Variants in KCNN1 observed in about 807,000 individuals in gnomAD.
KCNN1 encodes the protein potassium calcium-activated channel subfamily N member 1.
KCNN1 carries 20 observed loss-of-function variants against 44.7 expected under a neutral mutation model. The observed-to-expected ratio is 0.45, with a 90% CI of 0.32 to 0.65. The LOEUF is 0.65. Ranked by LOEUF, KCNN1 falls within the 30% of genes least tolerant of loss-of-function variation. The pLI, the probability that KCNN1 is intolerant of heterozygous loss-of-function variation, is 0.05. For synonymous variants in KCNN1, 324 were observed against 341.7 expected, an observed-to-expected ratio of 0.95 and a Z score of 0.57; for missense variants, 632 against 785.3, an observed-to-expected ratio of 0.80 and a Z score of 2.33.
In KCNN1 at chr19:17,980,228, ATTTTTTT is replaced by A. The variant is rs34810089; in HGVS notation, c.499-1456_499-1450del. ...AGGCACCCGCCACCACACCTAGCTA[ATTTTTTT>A]TTTTTTTTTTTTTTTTTTTTTTTTG... On this transcript the variant is annotated intron_variant, in intron 3 of 9. Transcript: ENST00000684775. Among the ~76,000 whole-genome samples, 61 of 44,528 alleles carry A rather than the reference ATTTTTTT, an allele frequency of 1.4e-3. No homozygotes were observed. The East Asian group carries it at 0.016, about 12-fold the overall frequency. 29.2% of individuals were successfully genotyped at this position (44,528 alleles called of 152,430 possible). A position where few individuals can be genotyped will look rare whatever the true frequency, so the allele number is the denominator to read the frequency against.
chr19:17,981,563 AAAAAAGAAAGAAAG>A, intron 3 of KCNN1, 132 bp from the exon 4 acceptor site: 1 of 708,572 alleles, frequency 1.4e-6, no homozygotes, highest in South Asian at 2.3e-5. Flanking sequence ...AAAAAAAAAA[AAAAAAGAAAGAAAG>A]AAAGAAAGAA....
At chr19:17,967,026 G>T (rs1311738551), upstream of KCNN1, 10 of 638,774 alleles carry the variant, frequency 1.6e-5, no homozygotes, top group Non-Finnish European at 1.9e-5. Context: ...TTGCGGGGTC[G>T]TCGAAGGCGG....
rs1367585003 is a variant in KCNN1 at position 17,986,759 on chromosome 19, G to A, written c.1059+1306G>A. On this transcript the variant is annotated intron_variant, in intron 5 of 9. Transcript: ENST00000684775. ...TGATCCTCCTGCTTGGGCCTCCCAA[G>A]GTGCTGGAGTTACAGGCCTAAGCAA... Among the ~76,000 whole-genome samples, 5 of 151,976 alleles carry A rather than the reference G, an allele frequency of 3.3e-5. No homozygotes were observed. The East Asian group carries it at 9.7e-4, about 29-fold the overall frequency.
At position 17,974,150 on chromosome 19, in the gene KCNN1, A is replaced by G; in HGVS notation, c.262A>G (p.Asn88Asp). 2 of 1,613,528 alleles carry G rather than the reference A, an allele frequency of 1.2e-6. No homozygotes were observed. Among genetic ancestry groups the G allele is most frequent in the South Asian group, 2.2e-5 (2 of 91,080 alleles). Residue 88 changes from asparagine to aspartate, a missense_variant, in exon 2 of 10, where the codon AAT (asparagine) becomes GAT (aspartate). Asn to Asp is a conservative substitution (Grantham distance 23). Around this residue, in one of 3 missense-constraint regions of KCNN1, gnomAD observed 235 missense variants for 224.0 expected, o/e 1.05. Transcript: ENST00000684775. This position sits in a 1 kb window ranked among gnomAD's most constrained non-coding sequence, Gnocchi z 7.3. ...GCAGAGAGCCTCGGGGAAACCCTCA[A>G]ATGTGGGCCACCGCCTGGGCCACCG... ...GRQRASGKPS[N>D]VGHRLGHRRA...
chr19:17,968,050 G>A (rs531620463), intron 1 of KCNN1, among the ~76,000 whole-genome samples: 2 of 141,582 alleles, frequency 1.4e-5, no homozygotes, highest in Admixed American at 7.0e-5. Flanking sequence ...TGCAGAGCTA[G>A]GGCCCTGTGA....
chr19:17,990,097 T>TA (rs2032737181), intron 7 of KCNN1: 3 of 652,064 alleles, frequency 4.6e-6, no homozygotes, highest in Non-Finnish European at 8.5e-6. Context: ...GGATAATTCT[T>TA]ACCCTTTAGA....
At chr19:17,965,846 G>A (rs1338996503), upstream of KCNN1, among the ~76,000 whole-genome samples, 1 of 152,064 alleles carries the variant, frequency 6.6e-6, no homozygotes, top group Non-Finnish European at 1.5e-5. Context: ...ACCACGGCCG[G>A]GCCTTGTGCA....
chr19:17,986,712 G>T (rs1260415709), intron 5 of KCNN1, among the ~76,000 whole-genome samples: 1 of 152,138 alleles, frequency 6.6e-6, no homozygotes, highest in East Asian at 1.9e-4. Flanking sequence ...GCCCAGGCTG[G>T]TCATGAACTC....
chr19:17,993,414 C>A lies in KCNN1; in HGVS notation c.1308-76C>A. On this transcript the variant is annotated intron_variant, in intron 8 of 9. Transcript: ENST00000684775. The surrounding 1 kb of genome is among the most constrained non-coding windows in gnomAD (Gnocchi z 4.5). ...TCCCATAGGTGACCCCGGGTGGGTGCATGAAAGTCCCTGCCCCCACTGCAG... is the reference window on the plus strand; with the variant it reads ...TCCCATAGGTGACCCCGGGTGGGTGAATGAAAGTCCCTGCCCCCACTGCAG... 2 of 1,102,620 alleles carry A rather than the reference C, an allele frequency of 1.8e-6. No homozygotes were observed. The highest frequency in any genetic ancestry group is 2.7e-6 in the Non-Finnish European group (2 of 733,386). The allele number at this position is 1,102,620 out of a possible 1,614,324, so 68.3% of individuals were successfully genotyped here.
intron 3 of KCNN1, among the ~76,000 whole-genome samples, chr19:17,975,804 G>A (rs1471826353): frequency 6.6e-6 from 1 of 151,928 alleles, no homozygotes; most frequent in East Asian, 1.9e-4. Flanking sequence ...GACCTCTTGT[G>A]TTCAAGAGAT....
chr19:17,960,221 T>C (rs921423755), intron 2 of KCNN1, among the ~76,000 whole-genome samples: 3 of 152,112 alleles, frequency 2.0e-5, no homozygotes, highest in Non-Finnish European at 4.4e-5. Context: ...AATGAGGCCA[T>C]ATCATTGCCT....
chr19:17,966,278 C>T (rs1372169025), upstream of KCNN1, among the ~76,000 whole-genome samples: 1 of 152,150 alleles, frequency 6.6e-6, no homozygotes, highest in Non-Finnish European at 1.5e-5. Context: ...CAGAGCTGAA[C>T]ACAGTCACCC....
Position 17,993,042 on chromosome 19 carries a change from C to T in KCNN1, c.1299-12C>T, listed in dbSNP as rs768705375. ...CTTGTGATTTTTCTCCTGCTCTGCC[C>T]GGTCCTGCCAGGGCTCAGAAGTAAG... On this transcript the variant is annotated splice_polypyrimidine_tract_variant and intron_variant, in intron 7 of 9. Transcript: ENST00000684775. This position sits in a 1 kb window ranked among gnomAD's most constrained non-coding sequence, Gnocchi z 4.5. 1.2e-5 allele frequency: 20 copies of T among 1,613,434 alleles called. No homozygotes were observed. Among genetic ancestry groups the T allele is most frequent in the Middle Eastern group, 1.6e-4 (1 of 6,084 alleles).
chr19:17,959,761 G>A (rs928578461), intron 2 of KCNN1, among the ~76,000 whole-genome samples: 5 of 152,044 alleles, frequency 3.3e-5, no homozygotes, highest in Admixed American at 3.3e-4. Flanking sequence ...GGTTACACCC[G>A]AGTGAAAGAG....
At chr19:17,978,963 G>C (rs1284468832) in intron 3 of KCNN1, among the ~76,000 whole-genome samples, 2 of 151,740 alleles carry the variant, frequency 1.3e-5, no homozygotes, top group East Asian at 3.9e-4. Flanking sequence ...GGGAGGTTGA[G>C]GTGGGAGGAT....
rs1379217462 is a variant in KCNN1 at position 17,998,317 on chromosome 19, C to A, written c.1543C>A (p.Pro515Thr). 1.3e-6 allele frequency: 2 copies of A among 1,538,004 alleles called. No individual in the cohort carries two copies. The highest frequency in any genetic ancestry group is 1.7e-6 in the Non-Finnish European group (2 of 1,147,784). ...QAIRPPPPPL[P>T]PRPGPGPQDQ... ...CATACGCCCACCCCCGCCTCCCCTG[C>A]CTCCCAGGCCCGGCCCCGGCCCCCA... Residue 515 changes from proline to threonine, a missense_variant, in exon 10 of 10, where the codon CCT becomes ACT. Physicochemically the swap from Pro to Thr is conservative, Grantham distance 38. Around this residue, in one of 3 missense-constraint regions of KCNN1, gnomAD observed 237 missense variants for 253.0 expected, o/e 0.94. Coordinates refer to ENST00000684775, the MANE Select transcript of KCNN1 (RefSeq NM_001386974.1). This position sits in a 1 kb window ranked among gnomAD's most constrained non-coding sequence, Gnocchi z 5.4.
At chr19:17,960,637 A>AG (rs1336340201) in intron 2 of KCNN1, among the ~76,000 whole-genome samples, 5 of 151,446 alleles carry the variant, frequency 3.3e-5, no homozygotes, top group Non-Finnish European at 5.9e-5. Context: ...TCTCAAAAAA[A>AG]AGAAAAGAAA....
chr19:17,955,016 C>T (rs1460223033), intron 2 of KCNN1, among the ~76,000 whole-genome samples: 6 of 140,482 alleles, frequency 4.3e-5, no homozygotes, highest in South Asian at 2.3e-4. Flanking sequence ...CCAGCCTGGG[C>T]GACAGAGCAA....
chr19:17,990,043 C>T, intron 7 of KCNN1, 200 bp downstream of exon 7: 2 of 723,096 alleles, frequency 2.8e-6, no homozygotes, highest in South Asian at 1.5e-5. Context: ...ATGGACACGA[C>T]TCAGTAAGTG....
Sources: gnomAD v4.1 joint callset for allele counts (sites outside exome capture counted in the v4.1 genomes callset) on GRCh38, gnomAD v4.1.1 for gene constraint, gnomAD v4.1.1 regional missense constraint, Gnocchi (gnomAD v3.1) non-coding constraint, MANE v1.5 for transcripts, NCBI Gene and HGNC (gene_info 2026-07-23, HGNC 2026-07-21) for gene names.